Variants in ATAD2B observed in about 807,000 individuals in gnomAD.
ATAD2B encodes the protein ATPase family AAA domain-containing protein 2B.
In ATAD2B, 40 loss-of-function variants were observed where a neutral mutation model predicts 167.6. The observed-to-expected ratio is 0.24, with a 90% CI of 0.19 to 0.31. ATAD2B has a LOEUF of 0.31. Among genes scored for constraint, ATAD2B ranks in the 10% least tolerant of loss-of-function variants. ATAD2B has a pLI of 1.00. For missense variants in ATAD2B, 1,242 were observed against 1,757.2 expected, an observed-to-expected ratio of 0.71 and a Z score of 5.24; for synonymous variants, 579 against 596.5, an observed-to-expected ratio of 0.97 and a Z score of 0.43.
intron 6 of ATAD2B, among the ~76,000 whole-genome samples, chr2:23,881,731 C>CT (rs922074941): frequency 1.0e-4 from 15 of 150,396 alleles, no homozygotes; most frequent in Non-Finnish European, 1.9e-4. Flanking sequence ...AAAGGTTTTT[C>CT]TTTTTTTTTG....
At chr2:23,906,993 ACACT>A (rs1294070912) in intron 1 of ATAD2B, among the ~76,000 whole-genome samples, 5 of 149,748 alleles carry the variant, frequency 3.3e-5, no homozygotes, top group Middle Eastern at 3.2e-3. Context: ...TATATATGAC[ACACT>A]CACAGCCAAT....
intron 8 of ATAD2B, among the ~76,000 whole-genome samples, chr2:23,870,494 C>G (rs1695795620): frequency 1.3e-5 from 2 of 151,650 alleles, no homozygotes; most frequent in South Asian, 4.2e-4. Flanking sequence ...CCATGTTTCC[C>G]AAGGTGGTCT....
intron 2 of ATAD2B, among the ~76,000 whole-genome samples, chr2:23,890,788 G>T (rs1699362589): frequency 6.6e-6 from 1 of 151,940 alleles, no homozygotes; most frequent in South Asian, 2.1e-4. Context: ...ACATCATTGG[G>T]GAAAAAAGCA....
At chr2:23,771,394 T>G (rs1678301005) in intron 22 of ATAD2B, among the ~76,000 whole-genome samples, 1 of 152,234 alleles carries the variant, frequency 6.6e-6, no homozygotes, top group Non-Finnish European at 1.5e-5. Context: ...GAGAAAGTAC[T>G]TACTCTTTCA....
chr2:23,857,739 A>ATTTTT (rs34857462), intron 12 of ATAD2B, among the ~76,000 whole-genome samples: 12 of 120,654 alleles, frequency 9.9e-5, no homozygotes, highest in East Asian at 2.4e-4. Flanking sequence ...ACCAAAGTGT[A>ATTTTT]TTTTTTTTTT....
intron 2 of ATAD2B, among the ~76,000 whole-genome samples, chr2:23,891,523 C>A (rs975462244): frequency 6.6e-6 from 1 of 151,076 alleles, no homozygotes; most frequent in East Asian, 2.0e-4. Context: ...GGGGACAGAG[C>A]CTCACTCTGT....
At chr2:23,790,712 T>C (rs1363639527) in intron 19 of ATAD2B, among the ~76,000 whole-genome samples, 2 of 152,230 alleles carry the variant, frequency 1.3e-5, no homozygotes, top group African/African-American at 4.8e-5. Flanking sequence ...TCACATTGGT[T>C]CACACTGGTT....
the ATAD2B span, among the ~76,000 whole-genome samples, chr2:23,709,325 A>G: frequency 6.6e-6 from 1 of 152,152 alleles, no homozygotes; most frequent in Non-Finnish European, 1.5e-5. Context: ...TATAGGCGTG[A>G]GCCACTGCGC....
chr2:23,911,735 G>C (rs1340949149), intron 1 of ATAD2B, among the ~76,000 whole-genome samples: 1 of 152,072 alleles, frequency 6.6e-6, no homozygotes, highest in Admixed American at 6.6e-5. Context: ...AGCACTTTGC[G>C]AGGCCAAGGC....
chr2:23,837,193 C>A (rs1054537576), intron 13 of ATAD2B, among the ~76,000 whole-genome samples: 2 of 152,212 alleles, frequency 1.3e-5, no homozygotes, highest in African/African-American at 4.8e-5. Context: ...TAGCACTAAC[C>A]CCAAGAGTGC....
chr2:23,906,404 T>C (rs551301013), intron 1 of ATAD2B, among the ~76,000 whole-genome samples: 204 of 152,244 alleles, frequency 1.3e-3, no homozygotes, highest in African/African-American at 4.6e-3. Flanking sequence ...GGAGAAAACC[T>C]GCATGCCAAC....
intron 21 of ATAD2B, among the ~76,000 whole-genome samples, chr2:23,784,083 T>C (rs1383389321): frequency 6.6e-6 from 1 of 152,104 alleles, no homozygotes; most frequent in Non-Finnish European, 1.5e-5. Flanking sequence ...AGCAGAGTTA[T>C]ACTGAAACAA....
At chr2:23,792,744 C>T (rs953539320) in intron 19 of ATAD2B, among the ~76,000 whole-genome samples, 7 of 151,728 alleles carry the variant, frequency 4.6e-5, no homozygotes, top group Non-Finnish European at 8.8e-5. Flanking sequence ...GGGTGGATCA[C>T]GAAGTCAGGA....
At chr2:23,833,313 T>C (rs1689366428) in intron 14 of ATAD2B, among the ~76,000 whole-genome samples, 1 of 152,154 alleles carries the variant, frequency 6.6e-6, no homozygotes. Context: ...CCTCTCAAAT[T>C]TGAGTTTCTA....
chr2:23,823,086 C>T (rs1687711611), intron 16 of ATAD2B, among the ~76,000 whole-genome samples, 172 bp downstream of exon 16: 1 of 152,028 alleles, frequency 6.6e-6, no homozygotes, highest in Non-Finnish European at 1.5e-5. Context: ...GTCTTAAAAA[C>T]ATTCACCAGG....
chr2:23,737,784 A>C, the ATAD2B span, among the ~76,000 whole-genome samples: 2 of 152,262 alleles, frequency 1.3e-5, no homozygotes, highest in South Asian at 4.1e-4. Context: ...AATGGCAAAG[A>C]AGTTAAAAGG....
chr2:23,921,206 A>G (rs540360996), intron 1 of ATAD2B, among the ~76,000 whole-genome samples: 26 of 13,558 alleles, frequency 1.9e-3, no homozygotes, highest in Non-Finnish European at 2.7e-3. Context: ...ACTCCATCTC[A>G]AAAAAAAAAA....
At chr2:23,880,834 T>C (rs1697772639) in intron 6 of ATAD2B, 79 bp from the exon 7 acceptor site, 3 of 817,832 alleles carry the variant, frequency 3.7e-6, no homozygotes, top group African/African-American at 1.7e-5. Flanking sequence ...GAACTGAATA[T>C]TTACACTTTA....
the ATAD2B span, among the ~76,000 whole-genome samples, chr2:23,705,228 C>T: frequency 1.3e-5 from 2 of 152,218 alleles, no homozygotes; most frequent in African/African-American, 4.8e-5. Context: ...CACAGTGGCT[C>T]ACGCCTGTAA....
Sources: allele counts gnomAD v4.1 joint callset (sites outside exome capture counted in the v4.1 genomes callset), GRCh38; gene constraint gnomAD v4.1.1; transcripts MANE v1.5; gene names NCBI Gene and HGNC (gene_info 2026-07-23, HGNC 2026-07-21).